Variants in CTNNBL1 observed in about 807,000 individuals in gnomAD.
CTNNBL1 encodes the protein beta-catenin-like protein 1.
CTNNBL1 carries 31 observed loss-of-function variants against 72.7 expected under a neutral mutation model. The ratio of observed to expected loss-of-function variants is 0.43; its 90% CI spans 0.32 to 0.58. The LOEUF is 0.58. Ranked by LOEUF, CTNNBL1 falls within the 20% of genes least tolerant of loss-of-function variation. CTNNBL1 has a pLI of 0.08. For synonymous variants in CTNNBL1, 240 were observed against 267.3 expected, an observed-to-expected ratio of 0.90 and a Z score of 1.00; for missense variants, 534 against 725.1, an observed-to-expected ratio of 0.74 and a Z score of 3.03.
At chr20:37,802,177 G>A (rs945441032) in intron 10 of CTNNBL1, among the ~76,000 whole-genome samples, 2 of 152,148 alleles carry the variant, frequency 1.3e-5, no homozygotes, top group Non-Finnish European at 2.9e-5. Context: ...GCAATAAAAA[G>A]GAATGAAGTA....
At chr20:37,867,130 C>G (rs1255781101) in intron 15 of CTNNBL1, among the ~76,000 whole-genome samples, 2 of 152,238 alleles carry the variant, frequency 1.3e-5, no homozygotes, top group Non-Finnish European at 2.9e-5. Flanking sequence ...AGAAGCGCAA[C>G]TTTCAACCTT....
chr20:37,780,873 A>G (rs2073619563), intron 10 of CTNNBL1, among the ~76,000 whole-genome samples: 1 of 152,108 alleles, frequency 6.6e-6, no homozygotes, highest in Non-Finnish European at 1.5e-5. Context: ...CGTTTTACTT[A>G]AAGTTGCCAT....
In CTNNBL1 at chr20:37,779,474, A is replaced by C. The variant is rs1037427653; in HGVS notation, c.1031+139A>C. 18 of 882,054 alleles carry C rather than the reference A, an allele frequency of 2.0e-5. No individual in the cohort carries two copies. In the African/African-American group the frequency reaches 2.2e-4, roughly 11 times the overall value. The allele number at this position is 882,054 out of a possible 1,614,324, so 54.6% of individuals were successfully genotyped here. On this transcript the variant is annotated intron_variant, in intron 10 of 15. Transcript: ENST00000361383. ...ACCCTGAAGAGTAAAGTCTTCAGGCATGGGGGGATGTGTTTGTATAGGTAT... is the reference window on the plus strand; with the variant it reads ...ACCCTGAAGAGTAAAGTCTTCAGGCCTGGGGGGATGTGTTTGTATAGGTAT...
At chr20:37,816,876 C>T (rs767800723) in intron 11 of CTNNBL1, among the ~76,000 whole-genome samples, 1 of 151,718 alleles carries the variant, frequency 6.6e-6, no homozygotes, top group Non-Finnish European at 1.5e-5. Flanking sequence ...GGCTCACAAA[C>T]TTCTGGAATA....
intron 5 of CTNNBL1, 137 bp from the exon 6 acceptor site, chr20:37,765,060 C>T (rs977845214): frequency 1.1e-5 from 7 of 654,202 alleles, no homozygotes; most frequent in Admixed American, 8.9e-5. Flanking sequence ...GATGGGAGAG[C>T]ACCTTGTAAA....
At chr20:37,702,809 G>C (rs1266651583) in intron 1 of CTNNBL1, among the ~76,000 whole-genome samples, 6 of 152,138 alleles carry the variant, frequency 3.9e-5, no homozygotes, top group Non-Finnish European at 8.8e-5. Context: ...TAGAGGCAAG[G>C]ACCAGCACCT....
At chr20:37,756,541 T>C (rs1384134864) in intron 4 of CTNNBL1, 1 of 152,072 alleles carries the variant, frequency 6.6e-6, no homozygotes, top group African/African-American at 2.4e-5. Flanking sequence ...AGTTTAGTTC[T>C]GCCACCCAGT....
Position 37,830,056 on chromosome 20 carries a change from C to T in CTNNBL1, c.1214-10046C>T, listed in dbSNP as rs115648308. Among the ~76,000 whole-genome samples the T allele has an allele frequency of 6.0e-3, 915 of 152,190 alleles. 8 individuals carry two copies. Among genetic ancestry groups the T allele is most frequent in the African/African-American group, 0.021 (867 of 41,516 alleles). On this transcript the variant is annotated intron_variant, in intron 11 of 15. Transcript: ENST00000361383. ...CTGTGTTGCCTAGGCTGGTCTCAAA[C>T]TCCTAGGCTCAAGCAATCTAACCAG...
chr20:37,782,022 C>T (rs980824012), intron 10 of CTNNBL1, among the ~76,000 whole-genome samples: 7 of 152,058 alleles, frequency 4.6e-5, no homozygotes, highest in East Asian at 3.9e-4. Context: ...ATCTGAAAAC[C>T]GGCACTAATA....
rs116978003 is a variant in CTNNBL1 at position 37,748,199 on chromosome 20, C to T, written c.466+1592C>T. On this transcript the variant is annotated intron_variant, in intron 4 of 15. Transcript: ENST00000361383. ...TTTCTGGTAATCTCTCTCCTGAGAGCGTGTCTGACTAAGTTCTTGCCTGGC... is the reference window on the plus strand; with the variant it reads ...TTTCTGGTAATCTCTCTCCTGAGAGTGTGTCTGACTAAGTTCTTGCCTGGC... Among the ~76,000 whole-genome samples, 10 of 152,294 alleles carry T rather than the reference C, an allele frequency of 6.6e-5. No homozygotes were observed. The East Asian group carries it at 1.3e-3, about 21-fold the overall frequency.
At chr20:37,857,866 C>T (rs975196491) in intron 13 of CTNNBL1, among the ~76,000 whole-genome samples, 5 of 152,136 alleles carry the variant, frequency 3.3e-5, no homozygotes, top group Admixed American at 1.3e-4. Flanking sequence ...GTCCCCACAC[C>T]GAGTTCTCAC....
At chr20:37,820,869 G>A (rs2072101299) in intron 11 of CTNNBL1, among the ~76,000 whole-genome samples, 1 of 152,136 alleles carries the variant, frequency 6.6e-6, no homozygotes, top group East Asian at 1.9e-4. Flanking sequence ...AACTGCCTCT[G>A]GTGGCTGTAA....
intron 11 of CTNNBL1, among the ~76,000 whole-genome samples, chr20:37,837,626 A>T (rs1357247855): frequency 6.6e-6 from 1 of 151,780 alleles, no homozygotes; most frequent in East Asian, 1.9e-4. Context: ...CAAAGGTAGT[A>T]TTGCTCTGAA....
intron 10 of CTNNBL1, among the ~76,000 whole-genome samples, chr20:37,796,031 G>A (rs960223087): frequency 1.3e-5 from 2 of 152,050 alleles, no homozygotes; most frequent in African/African-American, 4.8e-5. Flanking sequence ...GGCAGGACCA[G>A]ATTAGTCTAT....
chr20:37,795,424 A>G (rs565135360), intron 10 of CTNNBL1, among the ~76,000 whole-genome samples: 1 of 152,316 alleles, frequency 6.6e-6, no homozygotes, highest in African/African-American at 2.4e-5. Context: ...AGGGAGTATA[A>G]TGGTATGTAT....
chr20:37,799,339 T>TGACCGTGTTCCTCGCCGC (rs1839813890), intron 10 of CTNNBL1, among the ~76,000 whole-genome samples: 1 of 152,182 alleles, frequency 6.6e-6, no homozygotes, highest in Admixed American at 6.5e-5. Flanking sequence ...GAGCCTGTCA[T>TGACCGTGTTCCTCGCCGC]GACCGTGTTC....
chr20:37,824,080 C>G (rs2072135520), intron 11 of CTNNBL1, among the ~76,000 whole-genome samples: 1 of 152,180 alleles, frequency 6.6e-6, no homozygotes, highest in Admixed American at 6.5e-5. Flanking sequence ...GTTTAAATTA[C>G]TTTAGATGAG....
chr20:37,865,488 A>G (rs1600538937), intron 15 of CTNNBL1, among the ~76,000 whole-genome samples: 1 of 152,056 alleles, frequency 6.6e-6, no homozygotes, highest in East Asian at 1.9e-4. Context: ...TCATCTTGCA[A>G]AACTGGAATT....
At chr20:37,861,571 G>T (rs182291741) in intron 15 of CTNNBL1, among the ~76,000 whole-genome samples, 2 of 152,238 alleles carry the variant, frequency 1.3e-5, no homozygotes. Context: ...GATTTACTCA[G>T]AGAGCTTACC....
Sources: allele counts gnomAD v4.1 joint callset (sites outside exome capture counted in the v4.1 genomes callset), GRCh38; gene constraint gnomAD v4.1.1; transcripts MANE v1.5; gene names NCBI Gene and HGNC (gene_info 2026-07-23, HGNC 2026-07-21).